SLC4A7: variants seen among roughly 807,000 people sequenced by gnomAD.
SLC4A7 encodes the protein solute carrier family 4 member 7.
A neutral mutation model predicts 137.6 loss-of-function variants in SLC4A7; 51 were observed. The ratio of observed to expected loss-of-function variants is 0.37; its 90% CI spans 0.30 to 0.47. The LOEUF (loss-of-function observed/expected upper bound fraction) is 0.47. SLC4A7 is among the 20% of genes least tolerant of loss of function. The pLI is 1.00. For missense variants in SLC4A7, 1,247 were observed against 1,525.4 expected (o/e 0.82, Z 3.04); for synonymous variants, 542 against 518.6 (o/e 1.05, Z -0.61).
intron 20 of SLC4A7, among the ~76,000 whole-genome samples, chr3:27,393,068 T>C (rs1334844970): frequency 6.6e-6 from 1 of 151,858 alleles, no homozygotes; most frequent in Non-Finnish European, 1.5e-5. Context: ...TTGAAGAAAT[T>C]TGTAACAGAG....
At chr3:27,398,089 G>A in intron 17 of SLC4A7, 103 bp downstream of exon 17, 1 of 777,060 alleles carries the variant, frequency 1.3e-6, no homozygotes, top group Middle Eastern at 3.6e-4. Flanking sequence ...AGTTGGCATG[G>A]AGTATTAACC....
intron 1 of SLC4A7, among the ~76,000 whole-genome samples, chr3:27,478,008 A>G (rs530103766): frequency 5.9e-5 from 9 of 152,226 alleles, no homozygotes; most frequent in African/African-American, 2.2e-4. Flanking sequence ...AAGTATAACC[A>G]TTTCTCATGT....
chr3:27,383,316 A>G, intron 23 of SLC4A7, 66 bp from the exon 24 acceptor site: 1 of 1,148,082 alleles, frequency 8.7e-7, no homozygotes, highest in Non-Finnish European at 1.3e-6. Context: ...TGACTAATTT[A>G]TAACATTTTA....
intron 7 of SLC4A7, among the ~76,000 whole-genome samples, chr3:27,429,721 C>T (rs996868130): frequency 6.6e-6 from 1 of 151,754 alleles, no homozygotes; most frequent in Non-Finnish European, 1.5e-5. Flanking sequence ...GGTAGTGGCA[C>T]GCGCCGTAAT....
intron 1 of SLC4A7, among the ~76,000 whole-genome samples, chr3:27,477,513 G>A (rs1349407695): frequency 6.6e-6 from 1 of 152,112 alleles, no homozygotes; most frequent in African/African-American, 2.4e-5. Flanking sequence ...TCATTAGGCT[G>A]GAATAATCAA....
At chr3:27,425,857 C>T (rs2055553429) in intron 7 of SLC4A7, among the ~76,000 whole-genome samples, 1 of 151,850 alleles carries the variant, frequency 6.6e-6, no homozygotes, top group African/African-American at 2.4e-5. Flanking sequence ...AAACACTGAA[C>T]ATTATAGGAG....
intron 10 of SLC4A7, among the ~76,000 whole-genome samples, chr3:27,419,588 G>A (rs928136749): frequency 4.6e-5 from 7 of 150,806 alleles, no homozygotes; most frequent in Non-Finnish European, 8.9e-5. Context: ...CACCCACCTC[G>A]GCCTCCCAAA....
chr3:27,380,553 CAA>C (rs1201887647), intron 24 of SLC4A7, among the ~76,000 whole-genome samples: 1 of 152,008 alleles, frequency 6.6e-6, no homozygotes, highest in Non-Finnish European at 1.5e-5. Flanking sequence ...AAACAAGATA[CAA>C]ATACAAATGT....
At chr3:27,448,868 CA>C in intron 2 of SLC4A7, 71 bp from the exon 3 acceptor site, 1 of 1,058,418 alleles carries the variant, frequency 9.4e-7, no homozygotes. Context: ...AAAAGTACTC[CA>C]AAATCTACTC....
chr3:27,463,153 C>A (rs377679779), intron 1 of SLC4A7, among the ~76,000 whole-genome samples: 2 of 152,136 alleles, frequency 1.3e-5, no homozygotes, highest in East Asian at 1.9e-4. Context: ...TAGGGCCGGG[C>A]GCGGTGGCTC....
In SLC4A7 at chr3:27,449,564, A is replaced by G. The variant is rs114732815; in HGVS notation, c.143-767T>C. Among the ~76,000 whole-genome samples, 711 of 152,278 alleles carry G rather than the reference A, an allele frequency of 4.7e-3. 12 individuals carry two copies. Among genetic ancestry groups the G allele is most frequent in the African/African-American group, 0.016 (679 of 41,582 alleles). On this transcript the variant is annotated intron_variant, in intron 2 of 25. Coordinates refer to ENST00000454389, the MANE Select transcript of SLC4A7 (RefSeq NM_001321103.2). ...CAGATTAAATAAAAAAGCAGTAAGT[A>G]AAGTTATTGCATGCTTTTAAACTAG...
At chr3:27,418,688 A>G (rs983965154) in intron 10 of SLC4A7, 56 bp from the exon 11 acceptor site, 15 of 1,050,602 alleles carry the variant, frequency 1.4e-5, no homozygotes, top group Admixed American at 2.2e-5. Flanking sequence ...ATTTCTACAC[A>G]TAGTAAATCC....
intron 25 of SLC4A7, among the ~76,000 whole-genome samples, chr3:27,377,520 G>A (rs2149989742): frequency 6.6e-6 from 1 of 152,232 alleles, no homozygotes; most frequent in African/African-American, 2.4e-5. Context: ...AGCCTCCCGA[G>A]TAGCTGTGAT....
chr3:27,419,475 G>A (rs1449872659), intron 10 of SLC4A7, among the ~76,000 whole-genome samples: 1 of 151,600 alleles, frequency 6.6e-6, no homozygotes, highest in Admixed American at 6.6e-5. Flanking sequence ...GGCTGAGGCA[G>A]GAGAACTGTG....
chr3:27,463,671 C>T (rs186432732), intron 1 of SLC4A7, among the ~76,000 whole-genome samples: 247 of 152,202 alleles, frequency 1.6e-3, no homozygotes, highest in Middle Eastern at 6.8e-3. Flanking sequence ...GGGGTGGAGC[C>T]GCGAAGTTTG....
intron 20 of SLC4A7, among the ~76,000 whole-genome samples, chr3:27,392,181 C>A (rs2051628580): frequency 6.6e-6 from 1 of 152,162 alleles, no homozygotes; most frequent in Non-Finnish European, 1.5e-5. Flanking sequence ...CAAAAAGTGA[C>A]AACCATTGTC....
chr3:27,446,633 T>C (rs542431469), intron 3 of SLC4A7, among the ~76,000 whole-genome samples: 2 of 152,260 alleles, frequency 1.3e-5, no homozygotes, highest in African/African-American at 2.4e-5. Context: ...AGAAGCATAC[T>C]GATCCATTTA....
intron 20 of SLC4A7, among the ~76,000 whole-genome samples, chr3:27,393,635 C>T (rs1183743463): frequency 2.0e-5 from 3 of 152,188 alleles, no homozygotes; most frequent in Non-Finnish European, 4.4e-5. Context: ...GCAACTCACA[C>T]TGCTTAGTCC....
chr3:27,446,865 GTTTTT>G (rs1172280618), intron 3 of SLC4A7, among the ~76,000 whole-genome samples: 1 of 80,248 alleles, frequency 1.2e-5, no homozygotes, highest in African/African-American at 4.6e-5. Flanking sequence ...TCTTAGTAGA[GTTTTT>G]TTTTGTTTTT....
Sources: allele counts gnomAD v4.1 joint callset (sites outside exome capture counted in the v4.1 genomes callset), GRCh38; gene constraint gnomAD v4.1.1; transcripts MANE v1.5; gene names NCBI Gene and HGNC (gene_info 2026-07-23, HGNC 2026-07-21).